The following CCDC200 variants were observed in gnomAD, a reference collection of about 807,000 sequenced individuals.
The protein encoded by CCDC200 is coiled-coil domain-containing protein 200.
intron 3 of CCDC200, among the ~76,000 whole-genome samples, chr17:43,222,000 C>T (rs2057536923): frequency 6.6e-6 from 1 of 151,848 alleles, no homozygotes; most frequent in Admixed American, 6.6e-5. Flanking sequence ...GAGGCTGAGG[C>T]AGGAGAATCA....
chr17:43,223,245 A>ATTTT (rs2057545664), intron 3 of CCDC200, among the ~76,000 whole-genome samples: 8 of 69,706 alleles, frequency 1.1e-4, no homozygotes, highest in East Asian at 3.8e-4. Context: ...AATTTTTTTC[A>ATTTT]ATTTTTTTTT....
intron 3 of CCDC200, among the ~76,000 whole-genome samples, chr17:43,223,282 T>A (rs1361837468): frequency 7.4e-6 from 1 of 135,930 alleles, no homozygotes; most frequent in East Asian, 2.3e-4. Flanking sequence ...GAACCTGAAC[T>A]CCTGGGCTCA....
At chr17:43,227,198 C>T (rs958043832) in intron 1 of CCDC200, among the ~76,000 whole-genome samples, 9 of 151,450 alleles carry the variant, frequency 5.9e-5, no homozygotes, top group Non-Finnish European at 8.8e-5. Context: ...AGGCTGGTCT[C>T]GAACTCCTGA....
intron 3 of CCDC200, among the ~76,000 whole-genome samples, chr17:43,222,040 G>A (rs2057537156): frequency 6.6e-6 from 1 of 151,952 alleles, no homozygotes; most frequent in Non-Finnish European, 1.5e-5. Flanking sequence ...GGTTGCAGGT[G>A]GAGTGCAGCT....
intron 1 of CCDC200, among the ~76,000 whole-genome samples, chr17:43,225,878 C>A (rs1291794047): frequency 6.7e-6 from 1 of 148,430 alleles, no homozygotes; most frequent in Non-Finnish European, 1.5e-5. Context: ...GGATTATAGG[C>A]ATGTGCCACC....
intron 3 of CCDC200, 80 bp downstream of exon 3, chr17:43,223,476 A>ACACACACACACACACACACACG (rs1567880113): frequency 6.7e-6 from 1 of 150,324 alleles, no homozygotes; most frequent in Admixed American, 6.7e-5. Context: ...ACACACACAC[A>ACACACACACACACACACACACG]CACTCACACT....
chr17:43,225,306 T>C (rs565248722), intron 1 of CCDC200, among the ~76,000 whole-genome samples: 19 of 152,078 alleles, frequency 1.2e-4, no homozygotes, highest in Admixed American at 3.9e-4. Flanking sequence ...AGTGATTTTT[T>C]TAATAGCCCA....
rs2057552633 is a variant in CCDC200 at position 43,224,261 on chromosome 17, A to G, written c.394T>C (p.Cys132Arg). 2 of 154,226 alleles carry G rather than the reference A, an allele frequency of 1.3e-5. No individual in the cohort carries two copies. Among genetic ancestry groups the G allele is most frequent in the Admixed American group, 1.3e-4 (2 of 15,260 alleles). 9.6% of individuals were successfully genotyped at this position (154,226 alleles called of 1,614,324 possible). The change falls in exon 2 of 4, where the codon TGC becomes CGC. Residue 132 changes from cysteine (C) to arginine (R), a missense_variant. Coordinates refer to ENST00000636331, the MANE Select transcript of CCDC200 (RefSeq NM_001363254.2). ...QARCTQHTSKCNLQDSQRPGL... is the reference protein window; with the variant it reads ...QARCTQHTSKRNLQDSQRPGL... Reference sequence around the variant, plus strand: ...GGCCTTTGGGAATCCTGGAGATTGCATTTGGAGGTGTGCTGAGTACAACGG... The same window carrying G: ...GGCCTTTGGGAATCCTGGAGATTGCGTTTGGAGGTGTGCTGAGTACAACGG...
At chr17:43,230,536 C>T (rs1238747913), upstream of CCDC200, among the ~76,000 whole-genome samples, 2 of 68,542 alleles carry the variant, frequency 2.9e-5, 1 homozygote, top group East Asian at 1.1e-3. Flanking sequence ...ATTAGCTGGG[C>T]GTGGTGGCAA....
At chr17:43,221,838 G>A (rs1405560658) in intron 3 of CCDC200, among the ~76,000 whole-genome samples, 1 of 152,102 alleles carries the variant, frequency 6.6e-6, no homozygotes, top group African/African-American at 2.4e-5. Context: ...GCCAGGCGTG[G>A]TGGCTCACAC....
chr17:43,225,227 TC>T (rs1295527536), intron 1 of CCDC200, among the ~76,000 whole-genome samples: 2 of 151,440 alleles, frequency 1.3e-5, no homozygotes, highest in Non-Finnish European at 2.9e-5. Flanking sequence ...AGAGACAGGG[TC>T]CCCCTATGTT....
chr17:43,222,773 G>GTT (rs542275017), intron 3 of CCDC200, among the ~76,000 whole-genome samples: 62 of 127,314 alleles, frequency 4.9e-4, no homozygotes, highest in African/African-American at 1.1e-3. Context: ...TTTTTTTTTC[G>GTT]TTTTTTTTTT....
At chr17:43,227,672 G>T (rs1424520994) in intron 1 of CCDC200, among the ~76,000 whole-genome samples, 2 of 151,334 alleles carry the variant, frequency 1.3e-5, no homozygotes, top group African/African-American at 4.9e-5. Context: ...TTTTAGTAGA[G>T]ACCAGGTTTC....
intron 3 of CCDC200, among the ~76,000 whole-genome samples, chr17:43,222,021 G>A (rs1197961688): frequency 6.6e-6 from 1 of 152,034 alleles, no homozygotes; most frequent in African/African-American, 2.4e-5. Context: ...TTTGAACCCG[G>A]GAAGTGGAGG....
At chr17:43,227,125 C>T (rs1039396616) in intron 1 of CCDC200, among the ~76,000 whole-genome samples, 20 of 151,724 alleles carry the variant, frequency 1.3e-4, no homozygotes, top group Admixed American at 5.3e-4. Flanking sequence ...ATTACAGGTG[C>T]GCGCCACCAC....
At chr17:43,225,984 G>A (rs941503190) in intron 1 of CCDC200, among the ~76,000 whole-genome samples, 18 of 151,620 alleles carry the variant, frequency 1.2e-4, no homozygotes, top group African/African-American at 3.9e-4. Flanking sequence ...CACCCGCCTC[G>A]GCCTCCCAAA....
chr17:43,221,928 C>G (rs1285885761), intron 3 of CCDC200, among the ~76,000 whole-genome samples: 1 of 152,014 alleles, frequency 6.6e-6, no homozygotes, highest in Non-Finnish European at 1.5e-5. Flanking sequence ...AACCCCATCT[C>G]TACTAATAAT....
At chr17:43,226,403 T>C (rs1484477391) in intron 1 of CCDC200, 1 of 152,194 alleles carries the variant, frequency 6.6e-6, no homozygotes, top group Non-Finnish European at 1.5e-5. Flanking sequence ...TTATTTATTT[T>C]TTTGTGTGCA....
upstream of CCDC200, among the ~76,000 whole-genome samples, chr17:43,230,936 C>T (rs1555617203): frequency 2.4e-5 from 2 of 84,050 alleles, no homozygotes; most frequent in Non-Finnish European, 3.2e-5. Context: ...AGCCGAGATG[C>T]GCCACTGCAC....
Sources: gnomAD v4.1 joint callset for allele counts (sites outside exome capture counted in the v4.1 genomes callset) on GRCh38, gnomAD v4.1.1 for gene constraint, MANE v1.5 for transcripts, NCBI Gene and HGNC (gene_info 2026-07-23, HGNC 2026-07-21) for gene names.